KLHL3: variants seen among roughly 807,000 people sequenced by gnomAD.
The protein encoded by KLHL3 is kelch like family member 3, also known as kelch-like protein 3.
In KLHL3, 19 loss-of-function variants were observed where a neutral mutation model predicts 70.5. That is an observed-to-expected ratio of 0.27 (90% CI 0.19 to 0.40). The LOEUF (loss-of-function observed/expected upper bound fraction) is 0.40. Among genes scored for constraint, KLHL3 ranks in the 10% least tolerant of loss-of-function variants. KLHL3 has a pLI of 1.00. For missense variants in KLHL3, 512 were observed against 771.1 expected, an observed-to-expected ratio of 0.66 and a Z score of 3.98; for synonymous variants, 258 against 290.3, an observed-to-expected ratio of 0.89 and a Z score of 1.13.
At chr5:137,722,812 G>A (rs145951595) in intron 1 of KLHL3, among the ~76,000 whole-genome samples, 35 of 152,048 alleles carry the variant, frequency 2.3e-4, no homozygotes, top group African/African-American at 5.5e-4. Context: ...GATTACAGGC[G>A]TGCACCACCA....
intron 3 of KLHL3, chr5:137,707,493 G>T (rs181315730): frequency 1.3e-5 from 2 of 152,526 alleles, no homozygotes; most frequent in Non-Finnish European, 2.9e-5. Context: ...TATATATTTT[G>T]TATATGTATA....
In KLHL3 at chr5:137,707,584, G is replaced by A. The variant is rs1405925167; in HGVS notation, c.241+2166C>T. On this transcript the variant is annotated intron_variant, in intron 3 of 14. Coordinates refer to ENST00000309755, the MANE Select transcript of KLHL3 (RefSeq NM_017415.3). Reference sequence around the variant, plus strand: ...TAGTACACGTAATTTTTTACTTTTTGCTTGCCCACAGTTTCTGGTTTTTAC... The same window carrying A: ...TAGTACACGTAATTTTTTACTTTTTACTTGCCCACAGTTTCTGGTTTTTAC... The A allele has an allele frequency of 5.8e-5, 9 of 154,206 alleles. No individual in the cohort carries two copies. The Admixed American group carries it at 5.9e-4, about 10-fold the overall frequency. 9.6% of individuals were successfully genotyped at this position (154,206 alleles called of 1,614,324 possible).
chr5:137,711,678 G>A (rs1025936414), intron 2 of KLHL3, among the ~76,000 whole-genome samples: 1 of 152,174 alleles, frequency 6.6e-6, no homozygotes, highest in Non-Finnish European at 1.5e-5. Context: ...AACTGGCTAT[G>A]AGACCATGGG....
intron 5 of KLHL3, among the ~76,000 whole-genome samples, chr5:137,681,057 G>C (rs1752014155): frequency 6.6e-6 from 1 of 152,016 alleles, no homozygotes; most frequent in Non-Finnish European, 1.5e-5. Flanking sequence ...GATCCTATGG[G>C]CAAGGCTGTG....
intron 13 of KLHL3, among the ~76,000 whole-genome samples, chr5:137,627,245 TA>T (rs1200196553): frequency 1.3e-5 from 2 of 152,170 alleles, no homozygotes; most frequent in African/African-American, 2.4e-5. Context: ...TGAGTTTTTT[TA>T]AAAAACAGGT....
chr5:137,633,097 G>C (rs1027038873), intron 12 of KLHL3, among the ~76,000 whole-genome samples: 14 of 151,896 alleles, frequency 9.2e-5, no homozygotes, highest in Non-Finnish European at 2.1e-4. Flanking sequence ...TGGCTAACAG[G>C]GTGAAACCCC....
chr5:137,730,721 C>T (rs1176345098), intron 1 of KLHL3, among the ~76,000 whole-genome samples: 1 of 152,134 alleles, frequency 6.6e-6, no homozygotes. Flanking sequence ...AAACATGCTC[C>T]TCATTATGTG....
chr5:137,651,442 T>C (rs1011794678), intron 8 of KLHL3, among the ~76,000 whole-genome samples: 5 of 152,242 alleles, frequency 3.3e-5, no homozygotes, highest in African/African-American at 1.2e-4. Context: ...AATTAGAAAT[T>C]GGAATTTCAA....
In KLHL3 at chr5:137,726,460, A is replaced by T. The variant is rs547311177; in HGVS notation, c.15-5876T>A. On this transcript the variant is annotated intron_variant, in intron 1 of 14. Coordinates refer to ENST00000309755, the MANE Select transcript of KLHL3 (RefSeq NM_017415.3). Reference sequence around the variant, plus strand: ...TTTCCCTTCTCTTTCCCTGTATCATAATCTAAATACCTGTTCTTTGAGGAC... The same window carrying T: ...TTTCCCTTCTCTTTCCCTGTATCATTATCTAAATACCTGTTCTTTGAGGAC... 1.3e-4 allele frequency among the ~76,000 whole-genome samples: 20 copies of T among 152,266 alleles called. No homozygotes were observed. The South Asian group carries it at 3.9e-3, about 30-fold the overall frequency.
intron 2 of KLHL3, 66 bp downstream of exon 2, chr5:137,720,399 T>A: frequency 6.3e-7 from 1 of 1,595,500 alleles, no homozygotes. Flanking sequence ...ACTTCTGTTC[T>A]CAGTCCTTGA....
intron 6 of KLHL3, 139 bp downstream of exon 6, chr5:137,677,406 C>A: frequency 5.2e-6 from 3 of 573,028 alleles, no homozygotes; most frequent in Non-Finnish European, 3.1e-6. Context: ...CGAGATCACA[C>A]CATCGCACTC....
intron 1 of KLHL3, chr5:137,721,382 G>A (rs892053941): frequency 2.6e-4 from 39 of 152,170 alleles, no homozygotes; most frequent in African/African-American, 9.4e-4. Context: ...TAAGAAGTTT[G>A]GATTTCTTTC....
intron 6 of KLHL3, among the ~76,000 whole-genome samples, chr5:137,666,416 A>G (rs1751615710): frequency 1.3e-5 from 2 of 152,212 alleles, no homozygotes; most frequent in African/African-American, 4.8e-5. Flanking sequence ...GAAGTGTACC[A>G]GCTCTGTCTC....
intron 6 of KLHL3, among the ~76,000 whole-genome samples, chr5:137,668,352 A>G (rs1396670904): frequency 2.0e-5 from 3 of 152,182 alleles, no homozygotes; most frequent in Admixed American, 1.3e-4. Context: ...CGGACGTTGC[A>G]GTGAGCCGAG....
intron 6 of KLHL3, among the ~76,000 whole-genome samples, chr5:137,670,233 C>G (rs142946899): frequency 2.6e-5 from 4 of 152,274 alleles, no homozygotes; most frequent in African/African-American, 9.6e-5. Flanking sequence ...AATACAAAAA[C>G]TGTTTCCTAA....
Position 137,634,052 on chromosome 5 carries a change from G to A in KLHL3, c.1435C>T (p.Arg479Cys), listed in dbSNP as rs779657706. The change falls in exon 12 of 15, where the codon CGC becomes TGC. Residue 479 changes from arginine to cysteine, a missense_variant. Coordinates refer to ENST00000309755, the MANE Select transcript of KLHL3 (RefSeq NM_017415.3). ...EWIYVADMST[R>C]RSGAGVGVLS... ...TCTCCCATACCTGCGCCACTGCGGC[G>A]GGTGCTCATGTCCGCCACGTATATC... 1.7e-5 allele frequency: 28 copies of A among 1,614,152 alleles called. No individual in the cohort carries two copies. The highest frequency in any genetic ancestry group is 3.3e-5 in the South Asian group (3 of 91,084).
intron 6 of KLHL3, among the ~76,000 whole-genome samples, chr5:137,663,056 C>CTTTTTTTTTTTTTTTT (rs139890036): frequency 7.7e-5 from 6 of 77,924 alleles, no homozygotes; most frequent in East Asian, 4.3e-4. Flanking sequence ...AGCACTCGTT[C>CTTTTTTTTTTTTTTTT]TTTTTTTTTT....
intron 12 of KLHL3, among the ~76,000 whole-genome samples, chr5:137,631,549 A>G (rs1374831403): frequency 2.6e-5 from 4 of 152,236 alleles, no homozygotes; most frequent in Non-Finnish European, 5.9e-5. Context: ...CTACTACTTC[A>G]GAGGAATAAG....
At chr5:137,719,926 A>G (rs1752965416) in intron 2 of KLHL3, among the ~76,000 whole-genome samples, 1 of 152,220 alleles carries the variant, frequency 6.6e-6, no homozygotes, top group Non-Finnish European at 1.5e-5. Context: ...CCCTGTGATT[A>G]ATCATTAAAA....
Sources: gnomAD v4.1 joint callset for allele counts (sites outside exome capture counted in the v4.1 genomes callset) on GRCh38, gnomAD v4.1.1 for gene constraint, MANE v1.5 for transcripts, NCBI Gene and HGNC (gene_info 2026-07-23, HGNC 2026-07-21) for gene names.